Variants in NID1 observed in about 807,000 individuals in gnomAD.
The protein encoded by NID1 is nidogen 1.
A neutral mutation model predicts 130.6 loss-of-function variants in NID1; 76 were observed. That is an observed-to-expected ratio of 0.58 (90% CI 0.48 to 0.70). NID1 has a LOEUF of 0.70. Ranked by LOEUF, NID1 falls within the 30% of genes least tolerant of loss-of-function variation. NID1 has a pLI of 0.00. For missense variants in NID1, 1,517 were observed against 1,664.8 expected (o/e 0.91, Z 1.54); for synonymous variants, 665 against 675.1 (o/e 0.98, Z 0.23).
chr1:236,041,545 T>G (rs759827481), intron 4 of NID1, among the ~76,000 whole-genome samples: 1 of 152,222 alleles, frequency 6.6e-6, no homozygotes, highest in African/African-American at 2.4e-5. Flanking sequence ...CTAAAATGTT[T>G]TTTCAGGTGG....
Position 236,017,233 on chromosome 1 carries a change from G to A in NID1, c.2169C>T (p.Ser723=). ...CTGGGTGATTATTGCAGATTGTGTGGCTCCCACACACTGAGGGTTGTTCTG... is the reference window on the plus strand; with the variant it reads ...CTGGGTGATTATTGCAGATTGTGTGACTCCCACACACTGAGGGTTGTTCTG... ...ECSEQPSVCG[S]HTICNNHPGT... The change falls in exon 10 of 20, where the codon AGC becomes AGT. Residue 723 remains serine, a synonymous_variant. Coordinates refer to ENST00000264187, the MANE Select transcript of NID1 (RefSeq NM_002508.3). 1 of 1,614,104 alleles carries A rather than the reference G, an allele frequency of 6.2e-7. No individual in the cohort carries two copies. Among genetic ancestry groups the A allele is most frequent in the Non-Finnish European group, 8.5e-7 (1 of 1,180,018 alleles).
Position 235,981,587 on chromosome 1 carries a change from A to G in NID1, c.3227+24T>C, listed in dbSNP as rs200465024. 2.8e-4 allele frequency: 445 copies of G among 1,598,528 alleles called. 1 individual carries two copies. The highest frequency in any genetic ancestry group is 2.5e-3 in the Middle Eastern group (15 of 6,002). ...GGGCAGATGCAAATCAAAGAGATGC[A>G]CACACATATTTACACAAAGATACCC... On this transcript the variant is annotated intron_variant, in intron 16 of 19. Transcript: ENST00000264187.
intron 1 of NID1, among the ~76,000 whole-genome samples, chr1:236,049,960 C>T (rs1659715714): frequency 6.6e-6 from 1 of 151,246 alleles, no homozygotes; most frequent in Admixed American, 6.6e-5. Flanking sequence ...CACTTGAACC[C>T]AGGAAGCGGA....
chr1:236,035,993 A>T (rs563357783), intron 5 of NID1, among the ~76,000 whole-genome samples: 6 of 152,214 alleles, frequency 3.9e-5, no homozygotes, highest in African/African-American at 7.2e-5. Context: ...CCACAAATCT[A>T]TTCCAGGGTG....
intron 1 of NID1, chr1:236,064,568 C>G (rs1176866956): frequency 2.5e-6 from 1 of 401,838 alleles, no homozygotes; most frequent in African/African-American, 2.1e-5. Flanking sequence ...CGATGCAGCC[C>G]ACAGCCGCCG....
intron 6 of NID1, 97 bp from the exon 7 acceptor site, chr1:236,029,847 T>A: frequency 9.2e-7 from 1 of 1,091,460 alleles, no homozygotes; most frequent in Non-Finnish European, 1.4e-6. Context: ...GTGCGAACGC[T>A]TCTGCAGGTG....
chr1:236,004,129 G>C (rs1658170136), intron 12 of NID1, among the ~76,000 whole-genome samples: 1 of 152,106 alleles, frequency 6.6e-6, no homozygotes, highest in Non-Finnish European at 1.5e-5. Context: ...AGCAGTTTGG[G>C]TGTTGTGGTG....
chr1:236,012,049 A>G lies in NID1; in HGVS notation c.2405-6T>C. On this transcript the variant is annotated splice_polypyrimidine_tract_variant and splice_region_variant and intron_variant, in intron 11 of 19. Transcript: ENST00000264187. ...TGGCTGGCATTCATCTACATCTGTA[A>G]AACAGCCACCAGGCCCAGGGACAAT... 6.2e-7 allele frequency: 1 copy of G among 1,611,404 alleles called. No individual in the cohort carries two copies. The highest frequency in any genetic ancestry group is 8.5e-7 in the Non-Finnish European group (1 of 1,177,712).
At position 235,985,455 on chromosome 1, in the gene NID1, G is replaced by A. The variant is rs764764117; in HGVS notation, c.2979C>T (p.Tyr993=). The A allele has an allele frequency of 3.9e-5, 63 of 1,613,986 alleles. No homozygotes were observed. The highest frequency in any genetic ancestry group is 5.3e-5 in the Non-Finnish European group (62 of 1,179,972). Residue 993 remains tyrosine (Y), a synonymous_variant, in exon 15 of 20, where the codon TAC becomes TAT. Transcript: ENST00000264187. ...TGGAAGGCTCAGTGATGTCCGTCCA[G>A]TAAACCATCTTGTCCACGCAGTCAA... ...LAFDCVDKMV[Y]WTDITEPSIG...
intron 7 of NID1, among the ~76,000 whole-genome samples, 157 bp from the exon 8 acceptor site, chr1:236,026,298 C>A (rs1456521169): frequency 6.6e-6 from 1 of 152,122 alleles, no homozygotes; most frequent in Non-Finnish European, 1.5e-5. Flanking sequence ...TTAAATAAGA[C>A]CATTTGTTTG....
At chr1:235,995,793 T>G (rs1404402330) in intron 12 of NID1, among the ~76,000 whole-genome samples, 2 of 152,208 alleles carry the variant, frequency 1.3e-5, no homozygotes, top group African/African-American at 2.4e-5. Context: ...ACACCATACC[T>G]GTATCTCACT....
At position 235,977,896 on chromosome 1, in the gene NID1, A is replaced by G. The variant is rs543086059; in HGVS notation, c.3715T>C (p.Leu1239=). The change falls in exon 20 of 20, where the codon TTG becomes CTG. Residue 1239 remains leucine (L), a synonymous_variant. Transcript: ENST00000264187. ...SRTCRCPDNT[L]GVDCIEQK ...TTCTGTTCGATACAGTCAACTCCCA[A>G]GGTGTTGTCAGGGCAACGGCAGGTC... 2.5e-6 allele frequency: 4 copies of G among 1,614,166 alleles called. No homozygotes were observed. The highest frequency in any genetic ancestry group is 4.5e-5 in the East Asian group (2 of 44,888).
intron 8 of NID1, among the ~76,000 whole-genome samples, chr1:236,024,430 G>A (rs1162538559): frequency 6.6e-6 from 1 of 152,226 alleles, no homozygotes; most frequent in African/African-American, 2.4e-5. Context: ...AACCAGCAAC[G>A]TCCATTTATT....
At chr1:236,041,845 C>T (rs1659460981) in intron 4 of NID1, 65 bp downstream of exon 4, 1 of 1,534,616 alleles carries the variant, frequency 6.5e-7, no homozygotes, top group South Asian at 1.3e-5. Flanking sequence ...ATCTCCCCAG[C>T]AGTACGCCTG....
Position 235,979,207 on chromosome 1 carries a change from G to T in NID1, c.3510-100C>A. 1.3e-6 allele frequency: 1 copy of T among 752,852 alleles called. No individual in the cohort carries two copies. Among genetic ancestry groups the T allele is most frequent in the Non-Finnish European group, 2.3e-6 (1 of 434,976 alleles). The allele number at this position is 752,852 out of a possible 1,614,324, so 46.6% of individuals were successfully genotyped here. A position where few individuals can be genotyped will look rare whatever the true frequency, so the allele number is the denominator to read the frequency against. ...TTGTCATTTTGAGGATAAACTGGAG[G>T]CCATAAACAGACATGATGGCCTTCT... On this transcript the variant is annotated intron_variant, in intron 18 of 19. Transcript: ENST00000264187. The surrounding 1 kb of genome is among the most constrained non-coding windows in gnomAD (Gnocchi z 4.6).
At chr1:236,015,750 A>G (rs1658577664) in intron 10 of NID1, among the ~76,000 whole-genome samples, 1 of 151,584 alleles carries the variant, frequency 6.6e-6, no homozygotes, top group Admixed American at 6.6e-5. Flanking sequence ...AGGCACCTCC[A>G]AGAGCTCCAT....
intron 4 of NID1, among the ~76,000 whole-genome samples, chr1:236,041,219 C>T (rs1349311992): frequency 6.6e-6 from 1 of 152,068 alleles, no homozygotes; most frequent in Admixed American, 6.5e-5. Context: ...AGGCGTGTGT[C>T]ACCACGCCCA....
At chr1:236,064,069 C>T (rs999015026) in intron 1 of NID1, among the ~76,000 whole-genome samples, 5 of 152,204 alleles carry the variant, frequency 3.3e-5, no homozygotes. Flanking sequence ...CCCCACACTT[C>T]TGGAATGCAC....
At chr1:236,023,578 T>C (rs1385326903) in intron 9 of NID1, among the ~76,000 whole-genome samples, 1 of 152,192 alleles carries the variant, frequency 6.6e-6, no homozygotes, top group African/African-American at 2.4e-5. Context: ...GCCACTGAAC[T>C]GTACACTTAA....
Sources: allele counts gnomAD v4.1 joint callset (sites outside exome capture counted in the v4.1 genomes callset), GRCh38; gene constraint gnomAD v4.1.1; non-coding constraint Gnocchi (gnomAD v3.1); transcripts MANE v1.5; gene names NCBI Gene and HGNC (gene_info 2026-07-23, HGNC 2026-07-21).